KANK4: variants seen among roughly 807,000 people sequenced by gnomAD.
The protein encoded by KANK4 is KN motif and ankyrin repeat domain-containing protein 4.
A neutral mutation model predicts 80.8 loss-of-function variants in KANK4; 50 were observed. That is an observed-to-expected ratio of 0.62 (90% CI 0.49 to 0.78). KANK4 has a LOEUF of 0.78. Among genes scored for constraint, KANK4 ranks in the 30% least tolerant of loss-of-function variants. KANK4 has a pLI of 0.00. For missense variants in KANK4, 1,196 were observed against 1,240.1 expected (o/e 0.96, Z 0.53); for synonymous variants, 465 against 506.9 (o/e 0.92, Z 1.11).
intron 7 of KANK4, among the ~76,000 whole-genome samples, chr1:62,262,203 T>G (rs1357011890): frequency 6.6e-6 from 1 of 152,058 alleles, no homozygotes; most frequent in African/African-American, 2.4e-5. Flanking sequence ...GCTCTGGAGG[T>G]GGACAGAGTA....
Position 62,281,554 on chromosome 1 carries a change from G to A in KANK4, c.11C>T (p.Thr4Ile), listed in dbSNP as rs770220764. 67 of 1,614,068 alleles carry A rather than the reference G, an allele frequency of 4.2e-5. 2 individuals carry two copies. The highest frequency in any genetic ancestry group is 5.4e-5 in the Non-Finnish European group (64 of 1,180,038). MEK[T>I]DAKDQSSQGD... ...CTACAAAGCAGCTTGCCTACCATCT[G>A]TCTTCTCCATCTTTGGAGCGCTGAC... is the stretch of plus-strand genomic sequence containing the variant. The change falls in exon 2 of 10, where the codon ACA becomes ATA. Residue 4 changes from threonine to isoleucine, a missense_variant. Thr to Ile is a moderately conservative substitution (Grantham distance 89). Coordinates refer to ENST00000371153, the MANE Select transcript of KANK4 (RefSeq NM_181712.5).
chr1:62,264,176 G>A (rs1229259811), intron 6 of KANK4, among the ~76,000 whole-genome samples: 1 of 152,194 alleles, frequency 6.6e-6, no homozygotes, highest in African/African-American at 2.4e-5. Context: ...CCAACACTTT[G>A]GGAGGCCGAG....
At chr1:62,263,033 A>T in intron 7 of KANK4, 59 bp downstream of exon 7, 3 of 1,317,988 alleles carry the variant, frequency 2.3e-6, no homozygotes, top group African/African-American at 1.4e-5. Flanking sequence ...AAAAAATTTT[A>T]AAAATTGCCC....
chr1:62,309,047 T>C (rs992798754), intron 1 of KANK4, among the ~76,000 whole-genome samples: 1 of 152,364 alleles, frequency 6.6e-6, no homozygotes, highest in East Asian at 1.9e-4. Flanking sequence ...TCTGGGCTGC[T>C]ATCACAAACT....
chr1:62,248,691 G>A (rs1192523417), intron 8 of KANK4, among the ~76,000 whole-genome samples: 2 of 151,414 alleles, frequency 1.3e-5, no homozygotes, highest in Non-Finnish European at 2.9e-5. Flanking sequence ...ATTACAGGCA[G>A]CTGCCACCAT....
At chr1:62,287,102 T>C (rs1672586694) in intron 1 of KANK4, among the ~76,000 whole-genome samples, 1 of 151,940 alleles carries the variant, frequency 6.6e-6, no homozygotes, top group African/African-American at 2.4e-5. Context: ...TTTCAGAGTG[T>C]CCCGGGCAAG....
chr1:62,272,785 C>CTTTTTT (rs199937101), intron 3 of KANK4: 3 of 145,742 alleles, frequency 2.1e-5, no homozygotes, highest in African/African-American at 8.4e-5. Flanking sequence ...GTACTAAAAT[C>CTTTTTT]TTTTTTTCTT....
At chr1:62,290,850 T>G (rs1337453765) in intron 1 of KANK4, among the ~76,000 whole-genome samples, 1 of 151,920 alleles carries the variant, frequency 6.6e-6, no homozygotes, top group Non-Finnish European at 1.5e-5. Context: ...GTCCACGCCA[T>G]TCTCCTGCCT....
At chr1:62,287,682 G>A (rs958283253) in intron 1 of KANK4, among the ~76,000 whole-genome samples, 1 of 152,148 alleles carries the variant, frequency 6.6e-6, no homozygotes, top group African/African-American at 2.4e-5. Context: ...GTGTCCTGGG[G>A]TAAAGTTCTC....
At chr1:62,276,991 G>A (rs1014835459) in intron 2 of KANK4, among the ~76,000 whole-genome samples, 7 of 152,136 alleles carry the variant, frequency 4.6e-5, no homozygotes, top group African/African-American at 1.4e-4. Flanking sequence ...TAGGCCCTAG[G>A]TTAAAATTAC....
intron 1 of KANK4, among the ~76,000 whole-genome samples, chr1:62,315,655 CAG>C (rs752340564): frequency 6.6e-6 from 1 of 152,122 alleles, no homozygotes; most frequent in Non-Finnish European, 1.5e-5. Flanking sequence ...TGCACAACAT[CAG>C]AGTTTTAAAA....
chr1:62,295,466 A>T (rs980344025), intron 1 of KANK4, among the ~76,000 whole-genome samples: 1 of 152,170 alleles, frequency 6.6e-6, no homozygotes, highest in East Asian at 1.9e-4. Flanking sequence ...CCTTGCTCAC[A>T]TCTTTTCTTC....
intron 9 of KANK4, among the ~76,000 whole-genome samples, chr1:62,246,708 C>G (rs140146653): frequency 1.3e-5 from 2 of 152,250 alleles, no homozygotes; most frequent in African/African-American, 4.8e-5. Context: ...AGCAATCCTC[C>G]TGCCTCAGCC....
chr1:62,254,078 C>T (rs1671692044), intron 7 of KANK4, among the ~76,000 whole-genome samples: 1 of 152,100 alleles, frequency 6.6e-6, no homozygotes, highest in South Asian at 2.1e-4. Flanking sequence ...TAGGGGTCTA[C>T]TGTGCCAAGT....
chr1:62,251,400 G>A (rs914014975), intron 8 of KANK4, among the ~76,000 whole-genome samples: 2 of 152,180 alleles, frequency 1.3e-5, no homozygotes, highest in South Asian at 2.1e-4. Flanking sequence ...ACTCTTCACA[G>A]TTCTCAACAG....
At chr1:62,262,925 T>C (rs961859885) in intron 7 of KANK4, among the ~76,000 whole-genome samples, 167 bp downstream of exon 7, 3 of 152,176 alleles carry the variant, frequency 2.0e-5, no homozygotes, top group Non-Finnish European at 4.4e-5. Flanking sequence ...GTATGCTATT[T>C]GGGTGATGGG....
intron 7 of KANK4, among the ~76,000 whole-genome samples, chr1:62,254,516 A>G (rs1671703669): frequency 6.6e-6 from 1 of 151,494 alleles, no homozygotes; most frequent in Non-Finnish European, 1.5e-5. Flanking sequence ...TGCTGGGATT[A>G]CAGGTGTGAG....
intron 4 of KANK4, 70 bp from the exon 5 acceptor site, chr1:62,268,575 C>T: frequency 2.3e-6 from 3 of 1,279,670 alleles, no homozygotes; most frequent in Non-Finnish European, 3.4e-6. Context: ...CCAGTGAGAG[C>T]TGGGTGGGCC....
Position 62,247,615 on chromosome 1 carries a change from C to T in KANK4, c.2740G>A (p.Ala914Thr). The change falls in exon 9 of 10, where the codon GCG (alanine) becomes ACG (threonine). Residue 914 changes from alanine (A) to threonine (T), a missense_variant. Around this residue, in one of 3 missense-constraint regions of KANK4, gnomAD observed 1,154 missense variants for 1,179.6 expected, o/e 0.98. Transcript: ENST00000371153. Reference protein sequence around the residue: ...VSHDREDMVQALLSCQADVNL... With the variant: ...VSHDREDMVQTLLSCQADVNL... ...ACATCTGCCTGGCAGCTAAGCAGCG[C>T]TTGAACCATGTCCTCCCTGTCGTGG... The T allele has an allele frequency of 2.4e-5, 39 of 1,614,084 alleles. No homozygotes were observed. The highest frequency in any genetic ancestry group is 3.1e-5 in the Non-Finnish European group (36 of 1,180,034).
Sources: gnomAD v4.1 joint callset for allele counts (sites outside exome capture counted in the v4.1 genomes callset) on GRCh38, gnomAD v4.1.1 for gene constraint, gnomAD v4.1.1 regional missense constraint, MANE v1.5 for transcripts, NCBI Gene and HGNC (gene_info 2026-07-23, HGNC 2026-07-21) for gene names.